Variants in NTM observed in about 807,000 individuals in gnomAD.
NTM encodes IgLON family member 2.
A neutral mutation model predicts 42.1 loss-of-function variants in NTM; 13 were observed. The observed-to-expected ratio is 0.31, with a 90% CI of 0.20 to 0.49. The LOEUF (loss-of-function observed/expected upper bound fraction) is 0.49. Ranked by LOEUF, NTM falls within the 20% of genes least tolerant of loss-of-function variation. The pLI is 0.99. For missense variants in NTM, 373 were observed against 452.8 expected (o/e 0.82, Z 1.60); for synonymous variants, 187 against 179.2 (o/e 1.04, Z -0.35).
intron 1 of NTM, among the ~76,000 whole-genome samples, chr11:131,441,468 G>A (rs1421214735): frequency 1.3e-5 from 2 of 152,152 alleles, no homozygotes; most frequent in Non-Finnish European, 2.9e-5. Context: ...CTCTCCATAT[G>A]CTGCACAGCA....
chr11:131,874,163 A>G (rs369123909), intron 1 of NTM, among the ~76,000 whole-genome samples: 3 of 149,502 alleles, frequency 2.0e-5, no homozygotes, highest in African/African-American at 7.4e-5. Context: ...GGGCTCCCAC[A>G]GTTCAAGGTC....
In NTM at chr11:132,207,948, G is replaced by A. The variant is rs982176853; in HGVS notation, c.401-4074G>A. On this transcript the variant is annotated intron_variant, in intron 3 of 8. Transcript: ENST00000683400. ...TCTGCATCTATTTTGATATCTTGAG[G>A]CTGTGAACTCCTTGAGGAAAAGGAT... Among the ~76,000 whole-genome samples the A allele has an allele frequency of 1.2e-4, 19 of 152,140 alleles. 1 individual carries two copies. The highest frequency in any genetic ancestry group is 1.2e-3 in the Admixed American group (19 of 15,268).
At chr11:131,586,705 A>G (rs1229598127) in intron 1 of NTM, among the ~76,000 whole-genome samples, 1 of 152,208 alleles carries the variant, frequency 6.6e-6, no homozygotes, top group African/African-American at 2.4e-5. Flanking sequence ...TGTTTGTTAC[A>G]CAGCAACAGA....
chr11:132,300,724 T>C (rs893904034), intron 4 of NTM, among the ~76,000 whole-genome samples: 2 of 152,182 alleles, frequency 1.3e-5, no homozygotes, highest in Admixed American at 6.5e-5. Context: ...TTGCATTAAT[T>C]CCATATTACT....
At chr11:131,764,699 G>A (rs115907575) in intron 1 of NTM, among the ~76,000 whole-genome samples, 144 of 152,280 alleles carry the variant, frequency 9.5e-4, no homozygotes, top group African/African-American at 3.2e-3. Context: ...ATTACATGGG[G>A]TATAATTGAT....
chr11:132,088,248 T>TG (rs1425089050), intron 2 of NTM, among the ~76,000 whole-genome samples: 6 of 151,744 alleles, frequency 4.0e-5, no homozygotes, highest in Non-Finnish European at 5.9e-5. Context: ...GTGAGTGGGG[T>TG]GGGGGACGTG....
chr11:131,588,110 G>T (rs928387861), intron 1 of NTM, among the ~76,000 whole-genome samples: 1 of 47,520 alleles, frequency 2.1e-5, no homozygotes, highest in Non-Finnish European at 3.9e-5. Flanking sequence ...TTTCACAGAT[G>T]AAGAAACCGA....
chr11:131,492,671 A>C (rs1416916976), intron 1 of NTM, among the ~76,000 whole-genome samples: 1 of 152,090 alleles, frequency 6.6e-6, no homozygotes, highest in Non-Finnish European at 1.5e-5. Flanking sequence ...CAAAGTGCAC[A>C]GTGGGTTCAG....
At chr11:132,290,662 T>A (rs1324520735) in intron 4 of NTM, among the ~76,000 whole-genome samples, 1 of 152,182 alleles carries the variant, frequency 6.6e-6, no homozygotes, top group Non-Finnish European at 1.5e-5. Context: ...ATACTATCTC[T>A]CTTTAATGGA....
chr11:132,010,301 C>T (rs2071834126), intron 2 of NTM, among the ~76,000 whole-genome samples: 1 of 152,198 alleles, frequency 6.6e-6, no homozygotes, highest in African/African-American at 2.4e-5. Flanking sequence ...TTTAGCTCAC[C>T]TTGGTAACTC....
chr11:132,011,193 G>A (rs1285694959), intron 2 of NTM, among the ~76,000 whole-genome samples: 2 of 150,868 alleles, frequency 1.3e-5, no homozygotes, highest in Non-Finnish European at 3.0e-5. Context: ...GTCACCTCTA[G>A]TGAAAATTCT....
intron 1 of NTM, among the ~76,000 whole-genome samples, chr11:131,810,574 A>ACCTG (rs2092695537): frequency 6.6e-6 from 1 of 152,218 alleles, no homozygotes; most frequent in South Asian, 2.1e-4. Context: ...CTGAATGGGT[A>ACCTG]AATGTGGATA....
Position 131,419,155 on chromosome 11 carries a change from AAAACAAAC to A in NTM, c.82+48291_82+48298del, listed in dbSNP as rs71475754. Among the ~76,000 whole-genome samples, 41 of 151,008 alleles carry A rather than the reference AAAACAAAC, an allele frequency of 2.7e-4. No individual in the cohort carries two copies. The East Asian group carries it at 4.9e-3, about 18-fold the overall frequency. On this transcript the variant is annotated intron_variant, in intron 1 of 8. Coordinates refer to ENST00000683400, the MANE Select transcript of NTM (RefSeq NM_001352005.2). ...GTTGAAGCTAAGTATACCTTGGTTA[AAAACAAAC>A]AAACAAACAAACAAACAAACAAAAA...
At chr11:132,132,568 A>C (rs575121222) in intron 2 of NTM, among the ~76,000 whole-genome samples, 1 of 152,304 alleles carries the variant, frequency 6.6e-6, no homozygotes, top group Non-Finnish European at 1.5e-5. Flanking sequence ...AAGGGAGGGA[A>C]CGATAGCATC....
intron 2 of NTM, among the ~76,000 whole-genome samples, chr11:131,925,853 G>C (rs1188215978): frequency 2.0e-5 from 3 of 152,166 alleles, no homozygotes. Flanking sequence ...AGATTCAGGT[G>C]CCTCGATTCC....
chr11:132,285,822 A>G (rs1413706604), intron 4 of NTM, among the ~76,000 whole-genome samples: 3 of 152,148 alleles, frequency 2.0e-5, no homozygotes, highest in Admixed American at 6.5e-5. Flanking sequence ...CCTAGCCTTG[A>G]CAGATGAGTC....
chr11:132,011,324 C>T (rs1029661684), intron 2 of NTM, among the ~76,000 whole-genome samples: 30 of 152,102 alleles, frequency 2.0e-4, no homozygotes, highest in Non-Finnish European at 2.2e-4. Flanking sequence ...TTTAGCAAAT[C>T]AACCTCTCTT....
At chr11:131,951,150 G>A (rs187462124) in intron 2 of NTM, among the ~76,000 whole-genome samples, 183 of 152,242 alleles carry the variant, frequency 1.2e-3, no homozygotes, top group African/African-American at 4.0e-3. Context: ...GTATGGTACC[G>A]TGAAAATCAC....
intron 4 of NTM, among the ~76,000 whole-genome samples, chr11:132,273,309 G>GGT (rs2093571586): frequency 1.8e-5 from 1 of 55,656 alleles, no homozygotes; most frequent in Non-Finnish European, 2.9e-5. Context: ...GTTGACTAGT[G>GGT]TTTTTTTTTT....
Sources: allele counts gnomAD v4.1 joint callset (sites outside exome capture counted in the v4.1 genomes callset), GRCh38; gene constraint gnomAD v4.1.1; transcripts MANE v1.5; gene names NCBI Gene and HGNC (gene_info 2026-07-23, HGNC 2026-07-21).